SLC2A5: variants seen among roughly 807,000 people sequenced by gnomAD.
SLC2A5 encodes solute carrier family 2 member 5.
SLC2A5 carries 56 observed loss-of-function variants against 50.3 expected under a neutral mutation model. The ratio of observed to expected loss-of-function variants is 1.11; its 90% CI spans 0.90 to 1.39. The LOEUF is 1.39. Among genes scored for constraint, SLC2A5 ranks in the 40% most tolerant of loss-of-function variants. SLC2A5 has a pLI of 0.00. For synonymous variants in SLC2A5, 269 were observed against 281.9 expected (o/e 0.95, Z 0.46); for missense variants, 566 against 650.1 (o/e 0.87, Z 1.41).
chr1:9,072,131 G>C (rs1642225871), upstream of SLC2A5: 1 of 152,390 alleles, frequency 6.6e-6, no homozygotes, highest in African/African-American at 2.4e-5. Flanking sequence ...CAACCTTCGT[G>C]GCGGGCGGAC....
At chr1:9,060,500 T>A (rs2124421816) in intron 1 of SLC2A5, among the ~76,000 whole-genome samples, 3 of 88,756 alleles carry the variant, frequency 3.4e-5, no homozygotes, top group Admixed American at 1.6e-4. Flanking sequence ...CCCCCACATA[T>A]GCACACATAC....
intron 2 of SLC2A5, chr1:9,082,868 C>T: frequency 3.4e-6 from 1 of 296,054 alleles, no homozygotes; most frequent in East Asian, 1.2e-4. Flanking sequence ...ATGTATGGTA[C>T]TGCAAACAGG....
intron 2 of SLC2A5, among the ~76,000 whole-genome samples, chr1:9,077,436 A>C (rs1472733708): frequency 1.4e-5 from 2 of 140,710 alleles, no homozygotes; most frequent in East Asian, 2.3e-4. Context: ...ACACAAAAAA[A>C]CAAAAAAAAA....
intron 1 of SLC2A5, among the ~76,000 whole-genome samples, chr1:9,059,986 ACAC>A (rs755718356): frequency 2.0e-5 from 1 of 48,916 alleles, no homozygotes; most frequent in Non-Finnish European, 3.2e-5. Context: ...AAAACATACT[ACAC>A]ACACACACAC....
chr1:9,053,324 TA>T, intron 3 of SLC2A5, among the ~76,000 whole-genome samples: 1 of 74,688 alleles, frequency 1.3e-5, no homozygotes, highest in Non-Finnish European at 2.3e-5. Context: ...TGTATTTATA[TA>T]TTATATATTT....
chr1:9,080,271 A>C (rs751890848), intron 2 of SLC2A5, among the ~76,000 whole-genome samples: 16 of 152,246 alleles, frequency 1.1e-4, no homozygotes, highest in Admixed American at 1.0e-3. Context: ...AGCTATGCGC[A>C]TGGGTGTACA....
chr1:9,081,829 T>C (rs12733088), intron 2 of SLC2A5, among the ~76,000 whole-genome samples: 36,343 of 151,992 alleles, frequency 0.24, 5,287 homozygotes, highest in East Asian at 0.49. Context: ...CATCTATAAT[T>C]CCAGCACTTT....
chr1:9,079,526 C>A (rs919386886), intron 2 of SLC2A5, among the ~76,000 whole-genome samples: 7 of 152,176 alleles, frequency 4.6e-5, no homozygotes, highest in African/African-American at 1.7e-4. Context: ...CATTCTGTCA[C>A]CCAGGCTGGA....
intron 1 of SLC2A5, among the ~76,000 whole-genome samples, chr1:9,067,344 G>A (rs564216449): frequency 6.6e-6 from 1 of 152,260 alleles, no homozygotes. Context: ...TCCCTGGAGG[G>A]CTGAGGCAGC....
intron 8 of SLC2A5, 84 bp from the exon 9 acceptor site, chr1:9,039,013 A>G (rs1189154996): frequency 4.0e-6 from 6 of 1,503,170 alleles, no homozygotes; most frequent in Non-Finnish European, 4.5e-6. Context: ...CTGTGAGGAG[A>G]GCTGGGCGGA....
At chr1:9,067,401 A>G (rs756690547) in intron 1 of SLC2A5, among the ~76,000 whole-genome samples, 1 of 152,082 alleles carries the variant, frequency 6.6e-6, no homozygotes, top group Non-Finnish European at 1.5e-5. Flanking sequence ...CATCTGAATC[A>G]TTTCCTTTCG....
chr1:9,063,562 G>A (rs1052280355), intron 1 of SLC2A5, among the ~76,000 whole-genome samples: 7 of 149,812 alleles, frequency 4.7e-5, no homozygotes, highest in African/African-American at 1.5e-4. Flanking sequence ...TAGTAGAGAC[G>A]GGGTTTCACC....
chr1:9,083,267 C>T (rs753187202), intron 2 of SLC2A5, among the ~76,000 whole-genome samples: 14 of 152,144 alleles, frequency 9.2e-5, no homozygotes, highest in Non-Finnish European at 1.6e-4. Flanking sequence ...CAATTTTCCA[C>T]GAAAGTGCAC....
chr1:9,086,856 G>A (rs1381888722), intron 1 of SLC2A5, among the ~76,000 whole-genome samples: 2 of 152,126 alleles, frequency 1.3e-5, no homozygotes, highest in East Asian at 3.9e-4. Flanking sequence ...AGTTCCACTT[G>A]ATTAAAAAAC....
At chr1:9,056,408 C>T (rs1359829510) in intron 3 of SLC2A5, among the ~76,000 whole-genome samples, 1 of 152,168 alleles carries the variant, frequency 6.6e-6, no homozygotes, top group Non-Finnish European at 1.5e-5. Context: ...TGGTCTCCAA[C>T]TCCTGACCTC....
rs1008122821 is a variant in SLC2A5, at chr1:9,060,183, C to T, written c.34-1933G>A. Among the ~76,000 whole-genome samples the T allele has an allele frequency of 1.1e-3, 165 of 149,772 alleles. 2 individuals carry two copies. The highest frequency in any genetic ancestry group is 3.9e-3 in the African/African-American group (158 of 40,664). ...CACTACACACTACATACACAATACA[C>T]ACACTACACACACACTACACACACG... is the stretch of plus-strand genomic sequence containing the variant. On this transcript the variant is annotated intron_variant, in intron 1 of 11. Coordinates refer to ENST00000377424, the MANE Select transcript of SLC2A5 (RefSeq NM_003039.3).
intron 1 of SLC2A5, among the ~76,000 whole-genome samples, chr1:9,066,194 C>A (rs1642077546): frequency 6.6e-6 from 1 of 152,084 alleles, no homozygotes; most frequent in Non-Finnish European, 1.5e-5. Flanking sequence ...AGCACTTCGG[C>A]ATCTTTTTAT....
rs112562439 is a variant in SLC2A5, at chr1:9,065,963, G to T, written c.33+3541C>A. ...TGCCTCAAAAAAAAAATTTTTTTTT[G>T]AGGATAATGATACCACCACAGGAAT... On this transcript the variant is annotated intron_variant, in intron 1 of 11. Coordinates refer to ENST00000377424, the MANE Select transcript of SLC2A5 (RefSeq NM_003039.3). 9.3e-3 allele frequency among the ~76,000 whole-genome samples: 1,418 copies of T among 152,094 alleles called. 19 individuals are homozygous for T. The highest frequency in any genetic ancestry group is 0.032 in the African/African-American group (1,349 of 41,520).
intron 5 of SLC2A5, chr1:9,041,424 A>T: frequency 8.1e-7 from 1 of 1,229,508 alleles, no homozygotes; most frequent in African/African-American, 1.5e-5. Context: ...GGAGGGTCCT[A>T]TGAACTGATG....
Sources: allele counts gnomAD v4.1 joint callset (sites outside exome capture counted in the v4.1 genomes callset), GRCh38; gene constraint gnomAD v4.1.1; transcripts MANE v1.5; gene names NCBI Gene and HGNC (gene_info 2026-07-23, HGNC 2026-07-21).